Variants in RBFOX1 observed in about 807,000 individuals in gnomAD.
RBFOX1 encodes the protein RNA binding protein fox-1 homolog 1.
A neutral mutation model predicts 57.7 loss-of-function variants in RBFOX1; 8 were observed. That is an observed-to-expected ratio of 0.14 (90% confidence interval 0.08 to 0.25). RBFOX1 has a LOEUF of 0.25. Among genes scored for constraint, RBFOX1 ranks in the 10% least tolerant of loss-of-function variants. RBFOX1 has a pLI of 1.00. For missense variants in RBFOX1, 611 were observed against 548.5 expected (o/e 1.11, Z -1.14); for synonymous variants, 326 against 222.4 (o/e 1.47, Z -4.15).
chr16:5,422,227 GAGGGAGAGGGAGGAGGAGC>G lies in RBFOX1; in HGVS notation c.220-44957_220-44939del, dbSNP rs1164261840. Among the ~76,000 whole-genome samples, 656 of 148,214 alleles carry G rather than the reference GAGGGAGAGGGAGGAGGAGC, an allele frequency of 4.4e-3. 3 individuals are homozygous for G. The highest frequency in any genetic ancestry group is 0.013 in the East Asian group (63 of 4,836). On this transcript the variant is annotated intron_variant, in intron 1 of 2. Coordinates refer to the RBFOX1 transcript ENST00000585867. ...AGAAAGGTGGAGGAGAGAGGAGGGA[GAGGGAGAGGGAGGAGGAGC>G]AGGGAGAGGGAGGAGGAGCAGGGAG...
At chr16:6,114,601 C>T (rs1386526687) in intron 1 of RBFOX1, among the ~76,000 whole-genome samples, 2 of 152,076 alleles carry the variant, frequency 1.3e-5, no homozygotes, top group East Asian at 1.9e-4. Context: ...ACTAACACTG[C>T]CTTTAGTTCA....
intron 1 of RBFOX1, among the ~76,000 whole-genome samples, chr16:6,172,706 A>C (rs4786829): frequency 1.3e-5 from 2 of 152,030 alleles, no homozygotes; most frequent in Admixed American, 6.6e-5. Flanking sequence ...TCAGGATCAC[A>C]CATATAGAGT....
chr16:7,560,751 A>T (rs548068000), intron 5 of RBFOX1, among the ~76,000 whole-genome samples: 1 of 152,156 alleles, frequency 6.6e-6, no homozygotes, highest in Non-Finnish European at 1.5e-5. Flanking sequence ...CACAAATGAC[A>T]TAATTAGATG....
chr16:6,802,024 C>G (rs2085585170), intron 3 of RBFOX1, among the ~76,000 whole-genome samples: 1 of 151,986 alleles, frequency 6.6e-6, no homozygotes, highest in Non-Finnish European at 1.5e-5. Context: ...TTCTTTTAGA[C>G]CCCGCAATAA....
intron 5 of RBFOX1, among the ~76,000 whole-genome samples, chr16:7,521,055 A>C (rs1041833732): frequency 6.6e-6 from 1 of 151,626 alleles, no homozygotes; most frequent in Non-Finnish European, 1.5e-5. Flanking sequence ...AAATATGGGT[A>C]CCGTAGGAAA....
At chr16:7,295,053 A>G (rs997870403) in intron 4 of RBFOX1, among the ~76,000 whole-genome samples, 3 of 152,166 alleles carry the variant, frequency 2.0e-5, no homozygotes, top group African/African-American at 7.2e-5. Context: ...ATTTTCTAAC[A>G]TGTATTACGC....
intron 3 of RBFOX1, among the ~76,000 whole-genome samples, chr16:7,011,197 C>T (rs947575208): frequency 6.6e-6 from 1 of 152,016 alleles, no homozygotes; most frequent in African/African-American, 2.4e-5. Flanking sequence ...AATTAGCAGT[C>T]ATTCGTGGAG....
intron 3 of RBFOX1, among the ~76,000 whole-genome samples, chr16:5,865,777 T>C (rs1265623734): frequency 6.6e-6 from 1 of 152,172 alleles, no homozygotes; most frequent in Non-Finnish European, 1.5e-5. Flanking sequence ...TTTCTCATAC[T>C]CTGGAGCCTG....
At chr16:6,691,858 G>T (rs1162565838) in intron 3 of RBFOX1, among the ~76,000 whole-genome samples, 1 of 152,204 alleles carries the variant, frequency 6.6e-6, no homozygotes, top group Non-Finnish European at 1.5e-5. Flanking sequence ...GCTCTGGTCA[G>T]AGGAGAGAAG....
chr16:6,528,614 A>C lies in RBFOX1; in HGVS notation c.-63-125989A>C, dbSNP rs754686155. On this transcript the variant is annotated intron_variant, in intron 2 of 15. Coordinates refer to ENST00000550418, the MANE Select transcript of RBFOX1 (RefSeq NM_018723.4). The stretch of plus-strand genomic sequence containing the variant: ...ACAGGATAGATACGATTTTAAAATG[A>C]CATCTTCATTGTGAACCAGCTGTGG... Among the ~76,000 whole-genome samples the C allele has an allele frequency of 6.6e-5, 10 of 152,340 alleles. No homozygotes were observed. In the South Asian group the frequency reaches 2.1e-3, roughly 32 times the overall value.
intron 11 of RBFOX1, among the ~76,000 whole-genome samples, chr16:7,644,699 AG>A (rs1175180953): frequency 1.3e-5 from 2 of 152,236 alleles, no homozygotes; most frequent in African/African-American, 2.4e-5. Context: ...ACCAACATAG[AG>A]TCCTCAGGAC....
chr16:6,938,947 A>G (rs2077843846), intron 3 of RBFOX1, among the ~76,000 whole-genome samples: 1 of 152,004 alleles, frequency 6.6e-6, no homozygotes, highest in Non-Finnish European at 1.5e-5. Context: ...AGAAAGTAAA[A>G]TAAAAAATGG....
chr16:5,677,654 T>C (rs2050208259), intron 3 of RBFOX1, among the ~76,000 whole-genome samples: 1 of 152,214 alleles, frequency 6.6e-6, no homozygotes. Flanking sequence ...GCTCATGGAA[T>C]AAACATGTCG....
At chr16:6,547,464 A>T (rs2096912123) in intron 2 of RBFOX1, among the ~76,000 whole-genome samples, 1 of 152,208 alleles carries the variant, frequency 6.6e-6, no homozygotes, top group Non-Finnish European at 1.5e-5. Flanking sequence ...TAGTAACTAG[A>T]TAAAGTATCT....
intron 11 of RBFOX1, among the ~76,000 whole-genome samples, chr16:7,642,454 G>T (rs915122262): frequency 6.6e-6 from 1 of 152,108 alleles, no homozygotes; most frequent in African/African-American, 2.4e-5. Flanking sequence ...GTGAGCCACC[G>T]TCAGACCCCT....
chr16:5,340,785 A>G (rs1416936688), intron 1 of RBFOX1, among the ~76,000 whole-genome samples: 1 of 152,228 alleles, frequency 6.6e-6, no homozygotes, highest in African/African-American at 2.4e-5. Context: ...TGAATACATT[A>G]AGACAGATCA....
chr16:6,893,858 G>A (rs1452017966), intron 3 of RBFOX1, among the ~76,000 whole-genome samples: 1 of 152,148 alleles, frequency 6.6e-6, no homozygotes, highest in Admixed American at 6.5e-5. Flanking sequence ...GGAATGAATT[G>A]TATGGGGAAT....
chr16:7,295,219 A>C (rs1443244504), intron 4 of RBFOX1, among the ~76,000 whole-genome samples: 1 of 152,196 alleles, frequency 6.6e-6, no homozygotes, highest in Non-Finnish European at 1.5e-5. Context: ...ACCAGGGCAG[A>C]AAGGTGATGT....
In RBFOX1 at chr16:5,454,863, T is replaced by TTTCTTTCC. The variant is rs1491214000; in HGVS notation, c.220-12346_220-12345insCTTCTTTC. On this transcript the variant is annotated intron_variant, in intron 1 of 2. Coordinates refer to the RBFOX1 transcript ENST00000585867. Reference sequence around the variant, plus strand: ...TTCCTTTCTTTCTTTCTTTTCTTTCTTTCTTTCTTTCTTTCTTTCTTTCTT... The same window carrying TTTCTTTCC: ...TTCCTTTCTTTCTTTCTTTTCTTTCTTTCTTTCCTTCTTTCTTTCTTTCTTTCTTTCTT... Among the ~76,000 whole-genome samples, 108 of 29,170 alleles carry TTTCTTTCC rather than the reference T, an allele frequency of 3.7e-3. 1 individual carries two copies. Among genetic ancestry groups the TTTCTTTCC allele is most frequent in the Non-Finnish European group, 4.4e-3 (54 of 12,292 alleles). 19.1% of individuals were successfully genotyped at this position (29,170 alleles called of 152,430 possible).
Sources: gnomAD v4.1 joint callset for allele counts (sites outside exome capture counted in the v4.1 genomes callset) on GRCh38, gnomAD v4.1.1 for gene constraint, MANE v1.5 for transcripts, NCBI Gene and HGNC (gene_info 2026-07-23, HGNC 2026-07-21) for gene names.